The following SLC2A9 variants were observed in gnomAD, a reference collection of about 807,000 sequenced individuals.
The protein encoded by SLC2A9 is solute carrier family 2 member 9.
In SLC2A9, 39 loss-of-function variants were observed where a neutral mutation model predicts 50.6. The observed-to-expected ratio is 0.77, with a 90% CI of 0.60 to 1.01. SLC2A9 has a LOEUF of 1.01. SLC2A9 is among the 50% of genes least tolerant of loss of function. The probability of loss-of-function intolerance (pLI) is 0.00; values close to 1 mark genes in which losing one functional copy is unlikely to be tolerated. For synonymous variants in SLC2A9, 324 were observed against 276.9 expected, an observed-to-expected ratio of 1.17 and a Z score of -1.69; for missense variants, 686 against 677.6, an observed-to-expected ratio of 1.01 and a Z score of -0.14.
At chr4:9,802,936 G>A (rs78934234) in intron 3 of SLC2A9, among the ~76,000 whole-genome samples, 3,993 of 152,202 alleles carry the variant, frequency 0.026, 188 homozygotes, top group African/African-American at 0.091. Context: ...AACCCTTTCC[G>A]AAGACCCCAA....
intron 7 of SLC2A9, 134 bp from the exon 8 acceptor site, chr4:9,908,479 T>A (rs1741100420): frequency 4.0e-6 from 2 of 496,062 alleles, no homozygotes; most frequent in African/African-American, 3.9e-5. Flanking sequence ...TGGATGCTCA[T>A]TTTTCATTTT....
chr4:10,031,755 C>A (rs1269666067), intron 1 of SLC2A9, among the ~76,000 whole-genome samples: 2 of 152,214 alleles, frequency 1.3e-5, no homozygotes, highest in Non-Finnish European at 2.9e-5. Context: ...AGTGAAGCAG[C>A]CAGTTAGCGG....
rs575222718 is a variant in SLC2A9, at chr4:9,866,349, C to A, written c.1291+21218G>T. Among the ~76,000 whole-genome samples the A allele has an allele frequency of 7.9e-5, 12 of 152,202 alleles. No individual in the cohort carries two copies. The Middle Eastern group carries it at 0.017, about 216-fold the overall frequency. On this transcript the variant is annotated intron_variant, in intron 10 of 11. Transcript: ENST00000264784. Reference sequence around the variant, plus strand: ...TAATCCACACAACAGCCCATGTGATCATTTGAAATAGAATTGAGATGAAGT... The same window carrying A: ...TAATCCACACAACAGCCCATGTGATAATTTGAAATAGAATTGAGATGAAGT...
At chr4:9,931,982 A>ATG (rs1746196976) in intron 6 of SLC2A9, among the ~76,000 whole-genome samples, 1 of 73,346 alleles carries the variant, frequency 1.4e-5, no homozygotes, top group Non-Finnish European at 2.5e-5. Context: ...ATATATATAT[A>ATG]TATATATATA....
intron 1 of SLC2A9, among the ~76,000 whole-genome samples, chr4:10,033,553 T>C (rs906484590): frequency 6.6e-6 from 1 of 152,368 alleles, no homozygotes; most frequent in African/African-American, 2.4e-5. Context: ...TGGCTTCCTC[T>C]GAGCATCTGG....
At chr4:9,929,701 G>A (rs1235617285) in intron 6 of SLC2A9, among the ~76,000 whole-genome samples, 1 of 152,202 alleles carries the variant, frequency 6.6e-6, no homozygotes, top group Admixed American at 6.5e-5. Context: ...GAGCGGAGGA[G>A]CGAGAATTAC....
downstream of SLC2A9, among the ~76,000 whole-genome samples, chr4:9,797,488 G>T (rs1187149729): frequency 6.6e-6 from 1 of 152,176 alleles, no homozygotes; most frequent in East Asian, 1.9e-4. Context: ...CTTGGCAGGA[G>T]CCCAAGTCTG....
intron 3 of SLC2A9, among the ~76,000 whole-genome samples, chr4:9,799,737 T>A (rs1195996371): frequency 8.7e-6 from 1 of 115,142 alleles, no homozygotes; most frequent in East Asian, 3.0e-4. Flanking sequence ...TGAAGCCCTA[T>A]GTAATCTCAT....
At chr4:10,010,844 T>C (rs757343788) in intron 2 of SLC2A9, among the ~76,000 whole-genome samples, 1 of 152,210 alleles carries the variant, frequency 6.6e-6, no homozygotes, top group African/African-American at 2.4e-5. Context: ...TTTTCATTCA[T>C]AACTCCTATT....
At chr4:9,782,412 T>A (rs1718562255) in intron 3 of SLC2A9, 1 of 1,614,012 alleles carries the variant, frequency 6.2e-7, no homozygotes, top group Non-Finnish European at 8.5e-7. Flanking sequence ...ACTGCCTCCA[T>A]CCTGAACCTG....
chr4:9,809,039 A>G (rs1470218088), intron 3 of SLC2A9, among the ~76,000 whole-genome samples: 2 of 152,204 alleles, frequency 1.3e-5, no homozygotes, highest in Non-Finnish European at 2.9e-5. Flanking sequence ...GATGCAATGG[A>G]AAAGAATGAT....
intron 1 of SLC2A9, among the ~76,000 whole-genome samples, chr4:10,036,570 G>T (rs1764110910): frequency 6.6e-6 from 1 of 152,128 alleles, no homozygotes; most frequent in South Asian, 2.1e-4. Flanking sequence ...CCATTCCAGT[G>T]TATTTTTCCT....
chr4:9,844,404 T>TA (rs1470562616), intron 10 of SLC2A9, among the ~76,000 whole-genome samples: 2 of 152,222 alleles, frequency 1.3e-5, no homozygotes, highest in Non-Finnish European at 2.9e-5. Flanking sequence ...GTAGATATCC[T>TA]AAAAATATTC....
At chr4:9,789,281 T>A (rs1158385869) in intron 3 of SLC2A9, among the ~76,000 whole-genome samples, 1 of 152,216 alleles carries the variant, frequency 6.6e-6, no homozygotes, top group Non-Finnish European at 1.5e-5. Context: ...TACCTTGTAG[T>A]TTATTGTCAG....
At chr4:9,874,962 T>C (rs940863399) in intron 10 of SLC2A9, among the ~76,000 whole-genome samples, 85 of 137,156 alleles carry the variant, frequency 6.2e-4, no homozygotes, top group African/African-American at 2.3e-3. Flanking sequence ...TAAGATGGGA[T>C]GCTGTGTCTT....
intron 1 of SLC2A9, among the ~76,000 whole-genome samples, chr4:9,772,598 G>T (rs1457350635): frequency 6.6e-6 from 1 of 152,214 alleles, no homozygotes; most frequent in African/African-American, 2.4e-5. Context: ...AGCAAACAGA[G>T]CCTGGCCCCC....
At chr4:9,772,664 T>C (rs1716979178) in intron 1 of SLC2A9, among the ~76,000 whole-genome samples, 1 of 152,160 alleles carries the variant, frequency 6.6e-6, no homozygotes, top group Non-Finnish European at 1.5e-5. Flanking sequence ...AATAAACACT[T>C]GTTTTAAGCT....
intron 1 of SLC2A9, among the ~76,000 whole-genome samples, chr4:9,772,622 G>C (rs1032516372): frequency 6.6e-6 from 1 of 152,162 alleles, no homozygotes. Flanking sequence ...CTGAGGCAAG[G>C]CTTCCCAGCT....
At chr4:9,773,659 G>A (rs570054280) in intron 1 of SLC2A9, among the ~76,000 whole-genome samples, 91 of 152,374 alleles carry the variant, frequency 6.0e-4, no homozygotes, top group African/African-American at 2.1e-3. Context: ...GGCTCTGGCT[G>A]GATGAAATGA....
Sources: allele counts gnomAD v4.1 joint callset (sites outside exome capture counted in the v4.1 genomes callset), GRCh38; gene constraint gnomAD v4.1.1; transcripts MANE v1.5; gene names NCBI Gene and HGNC (gene_info 2026-07-23, HGNC 2026-07-21).